TLL1: variants seen among roughly 807,000 people sequenced by gnomAD.
TLL1 encodes tolloid-like protein 1.
Under a neutral mutation model 128.2 loss-of-function variants are expected in TLL1, and 49 were observed. That is an observed-to-expected ratio of 0.38 (90% CI 0.30 to 0.48). The LOEUF (loss-of-function observed/expected upper bound fraction) is 0.48, where lower values mean the gene tolerates loss of function less well. Ranked by LOEUF, TLL1 falls within the 20% of genes least tolerant of loss-of-function variation. TLL1 has a pLI of 0.96. For synonymous variants in TLL1, 454 were observed against 418.8 expected, an observed-to-expected ratio of 1.08 and a Z score of -1.03; for missense variants, 1,123 against 1,242.0, an observed-to-expected ratio of 0.90 and a Z score of 1.44.
At chr4:166,001,534 C>T (rs1220195901) in intron 5 of TLL1, among the ~76,000 whole-genome samples, 1 of 151,988 alleles carries the variant, frequency 6.6e-6, no homozygotes, top group Non-Finnish European at 1.5e-5. Context: ...CACAATGGCC[C>T]ACACTTGTAA....
intron 1 of TLL1, among the ~76,000 whole-genome samples, chr4:165,877,674 A>G (rs1261394038): frequency 6.6e-6 from 1 of 152,172 alleles, no homozygotes. Context: ...TACCTGATGA[A>G]CTGCGTATTA....
intron 1 of TLL1, among the ~76,000 whole-genome samples, chr4:165,951,513 G>C (rs1734514969): frequency 6.6e-6 from 1 of 152,156 alleles, no homozygotes; most frequent in East Asian, 1.9e-4. Flanking sequence ...GGCAGTGAAT[G>C]TGGTCAGTGG....
At chr4:165,961,946 A>G (rs1735125703) in intron 1 of TLL1, among the ~76,000 whole-genome samples, 1 of 152,180 alleles carries the variant, frequency 6.6e-6, no homozygotes, top group South Asian at 2.1e-4. Flanking sequence ...AAAACTAGAC[A>G]TCGAAGAAAC....
At chr4:166,084,095 T>C (rs1039053460) in intron 18 of TLL1, among the ~76,000 whole-genome samples, 4 of 152,132 alleles carry the variant, frequency 2.6e-5, no homozygotes, top group Non-Finnish European at 4.4e-5. Context: ...AGGCGTGGGG[T>C]GATATCTCAT....
At chr4:166,026,144 T>C (rs999904408) in intron 9 of TLL1, among the ~76,000 whole-genome samples, 1 of 152,054 alleles carries the variant, frequency 6.6e-6, no homozygotes, top group South Asian at 2.1e-4. Flanking sequence ...TCCCAGCACT[T>C]TGGGAGGCCA....
At chr4:165,892,107 G>A (rs992770462) in intron 1 of TLL1, among the ~76,000 whole-genome samples, 1 of 152,168 alleles carries the variant, frequency 6.6e-6, no homozygotes, top group Non-Finnish European at 1.5e-5. Context: ...TGAAGCAGGG[G>A]GAAAACCCCT....
At chr4:166,035,024 TC>T (rs1204457757) in intron 9 of TLL1, among the ~76,000 whole-genome samples, 1 of 152,176 alleles carries the variant, frequency 6.6e-6, no homozygotes, top group Non-Finnish European at 1.5e-5. Context: ...GGCAGAGCCC[TC>T]CCGGCTTAAT....
chr4:166,088,818 T>C (rs1741634375), intron 18 of TLL1, among the ~76,000 whole-genome samples: 1 of 152,056 alleles, frequency 6.6e-6, no homozygotes, highest in Admixed American at 6.6e-5. Context: ...TGCTACTTTG[T>C]GTGGTGTTGC....
intron 1 of TLL1, among the ~76,000 whole-genome samples, chr4:165,981,161 C>G (rs28550779): frequency 0.038 from 5,718 of 151,978 alleles, 364 homozygotes; most frequent in African/African-American, 0.13. Flanking sequence ...TTTTTTTCCC[C>G]CATGGTTCTT....
chr4:165,972,543 C>G (rs1735674220), intron 1 of TLL1, among the ~76,000 whole-genome samples: 1 of 152,088 alleles, frequency 6.6e-6, no homozygotes. Flanking sequence ...ATCTTCTGAT[C>G]ATCCAGCATC....
At chr4:165,901,098 T>C (rs1417913799) in intron 1 of TLL1, among the ~76,000 whole-genome samples, 1 of 152,156 alleles carries the variant, frequency 6.6e-6, no homozygotes, top group Admixed American at 6.5e-5. Flanking sequence ...AGGTCATTTA[T>C]GTTATTCTCT....
intron 1 of TLL1, among the ~76,000 whole-genome samples, chr4:165,885,402 TC>T (rs2110819499): frequency 6.6e-6 from 1 of 151,968 alleles, no homozygotes; most frequent in African/African-American, 2.4e-5. Flanking sequence ...GGGAAGGTGT[TC>T]ACACCTCTCC....
At chr4:165,956,426 G>A (rs1366357407) in intron 1 of TLL1, among the ~76,000 whole-genome samples, 1 of 152,010 alleles carries the variant, frequency 6.6e-6, no homozygotes, top group Non-Finnish European at 1.5e-5. Context: ...CCCCAGGAAT[G>A]CATTCCTTTC....
At chr4:165,948,361 T>G (rs1207608198) in intron 1 of TLL1, among the ~76,000 whole-genome samples, 1 of 152,100 alleles carries the variant, frequency 6.6e-6, no homozygotes, top group African/African-American at 2.4e-5. Context: ...GATTTTGGAT[T>G]TTTGAGCAAA....
intron 7 of TLL1, among the ~76,000 whole-genome samples, chr4:166,008,737 T>A (rs555927077): frequency 1.6e-4 from 24 of 151,580 alleles, no homozygotes; most frequent in African/African-American, 5.8e-4. Context: ...TTTGGAACTG[T>A]TAAACCATTG....
At position 166,103,708 on chromosome 4, in the gene TLL1, T is replaced by A. The variant is rs1742386319; in HGVS notation, c.*2832T>A. ...TTAAATGAAAGTACAGACAGCTTCA[T>A]TGTTGTATTGTTAATAATTGTTACT... is the stretch of plus-strand genomic sequence containing the variant. On this transcript the variant is annotated 3_prime_UTR_variant, in exon 21 of 21. Transcript: ENST00000061240. 1 of 151,798 alleles carries A rather than the reference T, an allele frequency of 6.6e-6. No individual in the cohort carries two copies. Among genetic ancestry groups the A allele is most frequent in the African/African-American group, 2.4e-5 (1 of 41,408 alleles). 9.4% of individuals were successfully genotyped at this position (151,798 alleles called of 1,614,324 possible). A position where few individuals can be genotyped will look rare whatever the true frequency, so the allele number is the denominator to read the frequency against.
chr4:165,923,642 A>C (rs1032573327), intron 1 of TLL1, among the ~76,000 whole-genome samples: 6 of 151,718 alleles, frequency 4.0e-5, no homozygotes, highest in Admixed American at 3.3e-4. Flanking sequence ...TCACCGTATT[A>C]GTGAGGATGG....
intron 8 of TLL1, among the ~76,000 whole-genome samples, chr4:166,023,674 C>A (rs1738349171): frequency 1.3e-5 from 2 of 152,122 alleles, no homozygotes. Context: ...GTTTCCACTT[C>A]CTGCATTATA....
intron 18 of TLL1, among the ~76,000 whole-genome samples, chr4:166,082,594 A>G (rs190671117): frequency 2.6e-5 from 4 of 152,272 alleles, no homozygotes; most frequent in Admixed American, 2.0e-4. Flanking sequence ...TAATACAGGA[A>G]ATTTCATCAA....
Sources: gnomAD v4.1 joint callset for allele counts (sites outside exome capture counted in the v4.1 genomes callset) on GRCh38, gnomAD v4.1.1 for gene constraint, MANE v1.5 for transcripts, NCBI Gene and HGNC (gene_info 2026-07-23, HGNC 2026-07-21) for gene names.